SMC1B: variants seen among roughly 807,000 people sequenced by gnomAD.
SMC1B encodes structural maintenance of chromosomes 1B, also known as structural maintenance of chromosomes protein 1B.
In SMC1B, 60 loss-of-function variants were observed where a neutral mutation model predicts 157.9. That is an observed-to-expected ratio of 0.38 (90% CI 0.31 to 0.47). The LOEUF (loss-of-function observed/expected upper bound fraction) is 0.47. Ranked by LOEUF, SMC1B falls within the 20% of genes least tolerant of loss-of-function variation. The pLI is 0.99. For synonymous variants in SMC1B, 445 were observed against 483.0 expected (o/e 0.92, Z 1.03); for missense variants, 1,165 against 1,426.2 (o/e 0.82, Z 2.95).
chr22:45,374,265 C>G (rs1432826890), intron 12 of SMC1B, among the ~76,000 whole-genome samples: 5 of 148,726 alleles, frequency 3.4e-5, no homozygotes, highest in Non-Finnish European at 5.9e-5. Context: ...CTGTGTAAGT[C>G]ACAATAAAAA....
At chr22:45,412,715 T>G (rs754620682) in intron 1 of SMC1B, among the ~76,000 whole-genome samples, 26 of 151,996 alleles carry the variant, frequency 1.7e-4, no homozygotes, top group Non-Finnish European at 3.4e-4. Flanking sequence ...TCCTCTGGCC[T>G]CTCCAGACCT....
At chr22:45,367,479 C>T (rs2086787873) in intron 15 of SMC1B, among the ~76,000 whole-genome samples, 1 of 152,148 alleles carries the variant, frequency 6.6e-6, no homozygotes, top group African/African-American at 2.4e-5. Flanking sequence ...ATGGAACCTA[C>T]CTCTGTGTGG....
rs937091132 is a variant in SMC1B at position 45,409,582 on chromosome 22, A to C, written c.110-684T>G. ...TCCAACTCTAAATAAATAAATAAAT[A>C]AATAAATAAATAAATAAATAAATAA... is the stretch of plus-strand genomic sequence containing the variant. On this transcript the variant is annotated intron_variant, in intron 1 of 24. Coordinates refer to ENST00000357450, the MANE Select transcript of SMC1B (RefSeq NM_148674.5). Among the ~76,000 whole-genome samples the C allele has an allele frequency of 3.9e-5, 3 of 77,596 alleles. No individual in the cohort carries two copies. In the African/African-American group the frequency reaches 4.1e-4, roughly 11 times the overall value. 50.9% of individuals were successfully genotyped at this position (77,596 alleles called of 152,430 possible).
chr22:45,383,977 T>A (rs2086965104), intron 11 of SMC1B, among the ~76,000 whole-genome samples: 1 of 152,204 alleles, frequency 6.6e-6, no homozygotes, highest in Non-Finnish European at 1.5e-5. Flanking sequence ...AATGTACAAG[T>A]GAGATAACTG....
chr22:45,369,133 T>C, intron 15 of SMC1B, among the ~76,000 whole-genome samples: 1 of 152,298 alleles, frequency 6.6e-6, no homozygotes, highest in African/African-American at 2.4e-5. Flanking sequence ...AATCTTGCTC[T>C]GTCGCCCAGG....
chr22:45,345,468 G>C lies in SMC1B; in HGVS notation c.3597C>G (p.Ile1199Met). Residue 1199 changes from isoleucine to methionine, a missense_variant, in exon 24 of 25, where the codon ATC (isoleucine) becomes ATG (methionine). Physicochemically the swap from Ile to Met is conservative, Grantham distance 10 (BLOSUM62 1). Transcript: ENST00000357450. ...TCTGATTTGTCTTTACCTCAGGATA[G>C]ATGCCGATCAGCGCGTCGGCTCTGG... ...FYSRADALIG[I>M]YPEYDDCMFS... is the part of the protein sequence containing the mutation. The C allele has an allele frequency of 6.2e-7, 1 of 1,609,706 alleles. No homozygotes were observed. Among genetic ancestry groups the C allele is most frequent in the East Asian group, 2.2e-5 (1 of 44,832 alleles).
chr22:45,386,788 TTG>T (rs1208882996), intron 11 of SMC1B, 77 bp downstream of exon 11: 3 of 1,251,840 alleles, frequency 2.4e-6, no homozygotes, highest in South Asian at 1.6e-5. Flanking sequence ...ATGTAAATAT[TTG>T]TGTGTGTTTG....
intron 1 of SMC1B, among the ~76,000 whole-genome samples, chr22:45,409,674 A>G (rs996275627): frequency 2.6e-5 from 4 of 152,178 alleles, no homozygotes; most frequent in Non-Finnish European, 5.9e-5. Context: ...GATTGGTATG[A>G]GATGGTGCTA....
chr22:45,354,636 C>T (rs1188368916), intron 20 of SMC1B, among the ~76,000 whole-genome samples: 2 of 152,098 alleles, frequency 1.3e-5, no homozygotes, highest in East Asian at 3.8e-4. Flanking sequence ...GATGATCCGC[C>T]CACCTCAGCC....
At chr22:45,373,386 T>G (rs1350792092) in intron 12 of SMC1B, among the ~76,000 whole-genome samples, 2 of 152,254 alleles carry the variant, frequency 1.3e-5, no homozygotes, top group African/African-American at 4.8e-5. Context: ...TTAAATAATC[T>G]ATCCTTTTCT....
intron 23 of SMC1B, among the ~76,000 whole-genome samples, chr22:45,346,517 T>C (rs2086553674): frequency 6.6e-6 from 1 of 152,196 alleles, no homozygotes; most frequent in South Asian, 2.1e-4. Context: ...GGGCCTAGAA[T>C]GGGTCTTCTC....
At chr22:45,346,030 C>T (rs2086548324) in intron 23 of SMC1B, among the ~76,000 whole-genome samples, 2 of 151,854 alleles carry the variant, frequency 1.3e-5, no homozygotes, top group African/African-American at 4.8e-5. Context: ...ATGGTGAACC[C>T]CGTCTCTACT....
At chr22:45,360,019 G>T in intron 17 of SMC1B, 61 bp from the exon 18 acceptor site, 1 of 1,296,258 alleles carries the variant, frequency 7.7e-7, no homozygotes. Context: ...CACCAAGGAA[G>T]AAAAATGTAT....
At chr22:45,398,052 C>G (rs1320323791) in intron 6 of SMC1B, among the ~76,000 whole-genome samples, 1 of 152,168 alleles carries the variant, frequency 6.6e-6, no homozygotes, top group Non-Finnish European at 1.5e-5. Flanking sequence ...CCGAGCAAGC[C>G]CCAGAGCTGA....
intron 2 of SMC1B, among the ~76,000 whole-genome samples, chr22:45,407,079 C>G (rs1472823536): frequency 6.6e-6 from 1 of 152,120 alleles, no homozygotes; most frequent in Admixed American, 6.6e-5. Context: ...ACATGAAAGT[C>G]TCTTATCTGA....
intron 23 of SMC1B, among the ~76,000 whole-genome samples, chr22:45,348,382 T>G (rs942543869): frequency 6.6e-6 from 1 of 152,138 alleles, no homozygotes; most frequent in Non-Finnish European, 1.5e-5. Flanking sequence ...TGAAACCCCA[T>G]CTCTACCAAA....
At chr22:45,355,209 T>C in intron 19 of SMC1B, 94 bp from the exon 20 acceptor site, 1 of 1,204,144 alleles carries the variant, frequency 8.3e-7, no homozygotes, top group Non-Finnish European at 1.2e-6. Context: ...CCATCCCAGG[T>C]CCCTGTGCAT....
intron 12 of SMC1B, 70 bp from the exon 13 acceptor site, chr22:45,372,362 T>C (rs1248959641): frequency 1.5e-6 from 2 of 1,341,930 alleles, no homozygotes; most frequent in East Asian, 2.4e-5. Flanking sequence ...AGTGCTTTCA[T>C]ATGTAATAAT....
At position 45,359,864 on chromosome 22, in the gene SMC1B, C is replaced by A; in HGVS notation, c.2803G>T (p.Val935Leu). The A allele has an allele frequency of 6.2e-7, 1 of 1,614,152 alleles. No homozygotes were observed. Among genetic ancestry groups the A allele is most frequent in the African/African-American group, 1.3e-5 (1 of 75,068 alleles). The change falls in exon 18 of 25, where the codon GTG becomes TTG. Residue 935 changes from valine (V) to leucine (L), a missense_variant. By Grantham distance (32) the Val-to-Leu change is conservative (BLOSUM62 1). Coordinates refer to ENST00000357450, the MANE Select transcript of SMC1B (RefSeq NM_148674.5). ...EKHNLLLDCK[V>L]QDIEIILLSG... ...AAAAGGATTATCTCAATGTCTTGCA[C>A]TTTGCAATCAAGCAGCAAGTTATGC... is the stretch of plus-strand genomic sequence containing the variant.
Sources: allele counts gnomAD v4.1 joint callset (sites outside exome capture counted in the v4.1 genomes callset), GRCh38; gene constraint gnomAD v4.1.1; transcripts MANE v1.5; gene names NCBI Gene and HGNC (gene_info 2026-07-23, HGNC 2026-07-21).